ZNF385B: variants seen among roughly 807,000 people sequenced by gnomAD.
The protein encoded by ZNF385B is zinc finger protein 385B, also known as zinc finger protein 533.
Under a neutral mutation model 39.2 loss-of-function variants are expected in ZNF385B, and 23 were observed. The observed-to-expected ratio is 0.59, with a 90% CI of 0.42 to 0.83. The LOEUF is 0.83. Among genes scored for constraint, ZNF385B ranks in the 40% least tolerant of loss-of-function variants. ZNF385B has a pLI of 0.00. For missense variants in ZNF385B, 552 were observed against 598.9 expected (o/e 0.92, Z 0.82); for synonymous variants, 205 against 222.6 (o/e 0.92, Z 0.70).
intron 1 of ZNF385B, among the ~76,000 whole-genome samples, chr2:179,807,057 T>C (rs1453083804): frequency 2.0e-5 from 3 of 152,200 alleles, no homozygotes; most frequent in Non-Finnish European, 2.9e-5. Flanking sequence ...GTTTCACTTC[T>C]AGGTATACGG....
chr2:179,517,558 G>A (rs78730946), intron 5 of ZNF385B, among the ~76,000 whole-genome samples: 686 of 151,768 alleles, frequency 4.5e-3, no homozygotes, highest in African/African-American at 0.016. Flanking sequence ...TAGAATTATC[G>A]AAACATAATT....
chr2:179,520,652 T>G (rs948810817), intron 4 of ZNF385B, among the ~76,000 whole-genome samples: 2 of 152,242 alleles, frequency 1.3e-5, no homozygotes, highest in African/African-American at 2.4e-5. Context: ...CTTGGCAGGA[T>G]GAAAGAAGCC....
chr2:179,574,059 T>A (rs1368576122), intron 3 of ZNF385B, among the ~76,000 whole-genome samples: 2 of 152,140 alleles, frequency 1.3e-5, no homozygotes, highest in Non-Finnish European at 2.9e-5. Context: ...TTTACTATAA[T>A]GCTGTTTAAG....
intron 3 of ZNF385B, among the ~76,000 whole-genome samples, chr2:179,634,349 A>G (rs558787928): frequency 6.6e-6 from 1 of 152,296 alleles, no homozygotes; most frequent in South Asian, 2.1e-4. Context: ...ACTTAAGCAA[A>G]TTTACAAGAA....
chr2:179,544,987 A>G lies in ZNF385B; in HGVS notation c.299-18T>C, dbSNP rs915306297. The stretch of plus-strand genomic sequence containing the variant: ...TGTACTGCCTGCCAAGAACAAAACA[A>G]AAATGAATTCAATTTCTTGCTCACA... On this transcript the variant is annotated intron_variant, in intron 3 of 9. Coordinates refer to ENST00000410066, the MANE Select transcript of ZNF385B (RefSeq NM_152520.6). The G allele has an allele frequency of 1.2e-6, 2 of 1,613,700 alleles. No homozygotes were observed. Among genetic ancestry groups the G allele is most frequent in the African/African-American group, 2.7e-5 (2 of 75,044 alleles).
intron 3 of ZNF385B, among the ~76,000 whole-genome samples, chr2:179,570,187 C>T (rs1685049099): frequency 6.6e-6 from 1 of 152,114 alleles, no homozygotes; most frequent in African/African-American, 2.4e-5. Flanking sequence ...TCTCTGCTGC[C>T]CTGACCCATC....
At chr2:179,689,695 T>C (rs1239705007) in intron 3 of ZNF385B, among the ~76,000 whole-genome samples, 1 of 152,158 alleles carries the variant, frequency 6.6e-6, no homozygotes, top group East Asian at 1.9e-4. Flanking sequence ...CAGTGCCTCC[T>C]TTCTGCTCTG....
intron 5 of ZNF385B, among the ~76,000 whole-genome samples, chr2:179,511,925 A>T (rs2057717421): frequency 6.6e-6 from 1 of 152,178 alleles, no homozygotes; most frequent in African/African-American, 2.4e-5. Flanking sequence ...TACCATACAA[A>T]ATAAAATATA....
chr2:179,815,744 G>A (rs1052937681), intron 1 of ZNF385B, among the ~76,000 whole-genome samples: 4 of 152,090 alleles, frequency 2.6e-5, no homozygotes, highest in African/African-American at 9.7e-5. Context: ...CATGTTATTT[G>A]ACATTTGTTA....
intron 3 of ZNF385B, among the ~76,000 whole-genome samples, chr2:179,576,778 C>A (rs12693195): frequency 6.6e-6 from 1 of 152,000 alleles, no homozygotes; most frequent in African/African-American, 2.4e-5. Context: ...AGGGAAGAGA[C>A]CAGGAAGCAG....
At chr2:179,451,249 A>AT (rs1257219193) in intron 6 of ZNF385B, among the ~76,000 whole-genome samples, 11 of 125,368 alleles carry the variant, frequency 8.8e-5, no homozygotes, top group African/African-American at 3.5e-4. Context: ...TTAAAGTATA[A>AT]TTAAAAAAAA....
intron 5 of ZNF385B, among the ~76,000 whole-genome samples, chr2:179,487,534 T>C (rs1472574654): frequency 2.6e-5 from 4 of 152,166 alleles, no homozygotes; most frequent in African/African-American, 9.7e-5. Context: ...CTTCATTATC[T>C]AGGAATCTTC....
At chr2:179,725,883 T>C (rs1173003847) in intron 3 of ZNF385B, among the ~76,000 whole-genome samples, 3 of 145,914 alleles carry the variant, frequency 2.1e-5, no homozygotes, top group African/African-American at 7.7e-5. Flanking sequence ...ATACATGATA[T>C]ATATATGAAT....
intron 5 of ZNF385B, among the ~76,000 whole-genome samples, chr2:179,483,988 A>G (rs1250943014): frequency 1.3e-5 from 2 of 152,208 alleles, no homozygotes; most frequent in Non-Finnish European, 2.9e-5. Flanking sequence ...CATTTTGATG[A>G]TTCCAGTTAC....
chr2:179,525,878 G>C (rs545814440), intron 4 of ZNF385B, among the ~76,000 whole-genome samples: 1 of 152,108 alleles, frequency 6.6e-6, no homozygotes, highest in Non-Finnish European at 1.5e-5. Context: ...TAAAGACTCT[G>C]ACCATATGCT....
At chr2:179,668,861 G>C (rs2037112) in intron 3 of ZNF385B, among the ~76,000 whole-genome samples, 55,247 of 151,964 alleles carry the variant, frequency 0.36, 10,848 homozygotes, top group East Asian at 0.57. Context: ...ACTTTACCCT[G>C]TCTGGGGTTT....
At chr2:179,445,828 C>T in intron 7 of ZNF385B, 100 bp from the exon 8 acceptor site, 1 of 1,159,458 alleles carries the variant, frequency 8.6e-7, no homozygotes, top group Non-Finnish European at 1.2e-6. Context: ...CTAAAATTCC[C>T]AATGCTTTTT....
At chr2:179,526,417 C>T (rs994600280) in intron 4 of ZNF385B, among the ~76,000 whole-genome samples, 16 of 151,722 alleles carry the variant, frequency 1.1e-4, no homozygotes, top group African/African-American at 3.9e-4. Flanking sequence ...TGGAGAAACC[C>T]TGTCTCTACT....
At chr2:179,618,838 C>G (rs1443176621) in intron 3 of ZNF385B, among the ~76,000 whole-genome samples, 1 of 152,146 alleles carries the variant, frequency 6.6e-6, no homozygotes, top group Non-Finnish European at 1.5e-5. Context: ...GCTTCAGCAG[C>G]CCCCAGATCC....
Sources: gnomAD v4.1 joint callset for allele counts (sites outside exome capture counted in the v4.1 genomes callset) on GRCh38, gnomAD v4.1.1 for gene constraint, MANE v1.5 for transcripts, NCBI Gene and HGNC (gene_info 2026-07-23, HGNC 2026-07-21) for gene names.